Variants in SHANK2 observed in about 807,000 individuals in gnomAD.
The protein encoded by SHANK2 is SH3 and multiple ankyrin repeat domains protein 2.
A neutral mutation model predicts 133.7 loss-of-function variants in SHANK2; 43 were observed. The observed-to-expected ratio is 0.32, with a 90% CI of 0.25 to 0.41. The LOEUF (loss-of-function observed/expected upper bound fraction) is 0.41, where lower values mean the gene tolerates loss of function less well. Among genes scored for constraint, SHANK2 ranks in the 10% least tolerant of loss-of-function variants. SHANK2 has a pLI of 1.00. For synonymous variants in SHANK2, 1,017 were observed against 952.8 expected, an observed-to-expected ratio of 1.07 and a Z score of -1.24; for missense variants, 1,994 against 2,235.8, an observed-to-expected ratio of 0.89 and a Z score of 2.18.
chr11:71,218,798 T>G (rs1954473042), intron 2 of SHANK2, among the ~76,000 whole-genome samples: 1 of 152,148 alleles, frequency 6.6e-6, no homozygotes, highest in South Asian at 2.1e-4. Flanking sequence ...TGGGCGTAAC[T>G]AACTGGGAAG....
At chr11:71,187,804 T>C (rs974306098) in intron 2 of SHANK2, among the ~76,000 whole-genome samples, 31 of 152,166 alleles carry the variant, frequency 2.0e-4, no homozygotes, top group African/African-American at 7.2e-4. Context: ...TTAGAGACAG[T>C]GTCTTCCTCT....
At chr11:71,089,381 A>G (rs1329885127) in intron 8 of SHANK2, among the ~76,000 whole-genome samples, 1 of 152,072 alleles carries the variant, frequency 6.6e-6, no homozygotes, top group Admixed American at 6.5e-5. Flanking sequence ...AATACAGAAC[A>G]CTGTCAGGCC....
intron 17 of SHANK2, among the ~76,000 whole-genome samples, chr11:70,655,391 C>A (rs1555011328): frequency 6.6e-6 from 1 of 152,208 alleles, no homozygotes; most frequent in Non-Finnish European, 1.5e-5. Context: ...ACCTTCTCCA[C>A]TCACCAGCTA....
intron 2 of SHANK2, among the ~76,000 whole-genome samples, chr11:71,172,929 C>T (rs1953348717): frequency 6.6e-6 from 1 of 152,212 alleles, no homozygotes. Flanking sequence ...ATTCGTGCTC[C>T]TTCAAAGACA....
intron 10 of SHANK2, among the ~76,000 whole-genome samples, chr11:70,948,887 T>A (rs782810030): frequency 7.9e-5 from 12 of 152,200 alleles, no homozygotes; most frequent in Non-Finnish European, 1.2e-4. Context: ...ATTAAAAAAA[T>A]TAAATTTTAA....
At chr11:70,737,103 C>T (rs1285282971) in intron 14 of SHANK2, among the ~76,000 whole-genome samples, 4 of 152,200 alleles carry the variant, frequency 2.6e-5, no homozygotes, top group South Asian at 2.1e-4. Context: ...CCGCGGGCTA[C>T]ACCCCTCAGA....
chr11:71,190,391 C>A (rs782015232), intron 2 of SHANK2, among the ~76,000 whole-genome samples: 1 of 152,160 alleles, frequency 6.6e-6, no homozygotes, highest in Non-Finnish European at 1.5e-5. Flanking sequence ...AAGGGGACAG[C>A]GTGAGGCTCC....
intron 17 of SHANK2, among the ~76,000 whole-genome samples, chr11:70,582,754 A>C (rs1413617286): frequency 6.6e-6 from 1 of 152,162 alleles, no homozygotes; most frequent in African/African-American, 2.4e-5. Context: ...TGTGTGTGCT[A>C]TGGTGGTGTT....
chr11:70,597,004 G>A (rs1032073346), intron 17 of SHANK2, among the ~76,000 whole-genome samples: 24 of 151,866 alleles, frequency 1.6e-4, no homozygotes, highest in Admixed American at 5.2e-4. Flanking sequence ...ACCGGTGCTC[G>A]GGGGTGACTG....
At chr11:70,838,024 A>T (rs1293016725) in intron 11 of SHANK2, among the ~76,000 whole-genome samples, 1 of 147,018 alleles carries the variant, frequency 6.8e-6, no homozygotes, top group African/African-American at 2.5e-5. Context: ...ATGCATGCTG[A>T]GTAACTTCAT....
At position 71,089,052 on chromosome 11, in the gene SHANK2, G is replaced by A. The variant is rs937712820; in HGVS notation, c.912+3370C>T. 1.1e-3 allele frequency among the ~76,000 whole-genome samples: 164 copies of A among 152,338 alleles called. 1 individual carries two copies. Among genetic ancestry groups the A allele is most frequent in the African/African-American group, 3.8e-3 (160 of 41,574 alleles). ...CGCCCCTCGTCCTGAACTTGACCTT[G>A]ACCTCAAATCAGCCTAGTGAGTTTT... On this transcript the variant is annotated intron_variant, in intron 8 of 25. Transcript: ENST00000601538.
chr11:71,117,057 T>C (rs1951993025), intron 4 of SHANK2, among the ~76,000 whole-genome samples: 2 of 152,180 alleles, frequency 1.3e-5, no homozygotes. Flanking sequence ...TTCAGTCTTG[T>C]CGCCCAGGCT....
intron 21 of SHANK2, among the ~76,000 whole-genome samples, chr11:70,493,464 ATTTTT>A (rs34242934): frequency 7.1e-6 from 1 of 140,270 alleles, no homozygotes. Flanking sequence ...TTTGCAGCAC[ATTTTT>A]TTTTTTTTTT....
intron 18 of SHANK2, 30 bp from the exon 19 acceptor site, chr11:70,502,316 AC>A: frequency 6.5e-7 from 1 of 1,540,528 alleles, no homozygotes. Context: ...TGGGTGTGAG[AC>A]CCCAGCCCAT....
chr11:70,656,461 G>A (rs2061406997), intron 17 of SHANK2, among the ~76,000 whole-genome samples: 1 of 152,060 alleles, frequency 6.6e-6, no homozygotes, highest in African/African-American at 2.4e-5. Context: ...CAGGTCCCAC[G>A]GGCATTCTCC....
intron 14 of SHANK2, among the ~76,000 whole-genome samples, chr11:70,758,486 G>A (rs986109097): frequency 6.6e-5 from 10 of 152,234 alleles, no homozygotes; most frequent in African/African-American, 1.9e-4. Flanking sequence ...CATTGTTCCT[G>A]CGCCAGCTAA....
chr11:70,729,900 T>TAAA (rs549153711), intron 14 of SHANK2, among the ~76,000 whole-genome samples: 2 of 108,368 alleles, frequency 1.8e-5, no homozygotes, highest in Non-Finnish European at 4.0e-5. Context: ...AAAGTGTTAC[T>TAAA]AAAAAAAAAA....
chr11:71,182,946 C>G (rs1555113980), intron 2 of SHANK2, among the ~76,000 whole-genome samples: 2 of 152,170 alleles, frequency 1.3e-5, no homozygotes, highest in African/African-American at 4.8e-5. Context: ...CTCAGTAAAC[C>G]AGCACGAAAA....
intron 6 of SHANK2, among the ~76,000 whole-genome samples, chr11:71,108,955 G>A (rs1590920629): frequency 6.6e-6 from 1 of 152,332 alleles, no homozygotes; most frequent in East Asian, 1.9e-4. Context: ...CCAGCGTTCA[G>A]AGGTCGAGGG....
Sources: allele counts gnomAD v4.1 joint callset (sites outside exome capture counted in the v4.1 genomes callset), GRCh38; gene constraint gnomAD v4.1.1; transcripts MANE v1.5; gene names NCBI Gene and HGNC (gene_info 2026-07-23, HGNC 2026-07-21).